Variants in NUBP1 observed in about 807,000 individuals in gnomAD.
NUBP1 encodes NUBP iron-sulfur cluster assembly factor 1, cytosolic, also known as cytosolic Fe-S cluster assembly factor NUBP1.
A neutral mutation model predicts 41.8 loss-of-function variants in NUBP1; 46 were observed. The ratio of observed to expected loss-of-function variants is 1.10; its 90% CI spans 0.87 to 1.41. The LOEUF (loss-of-function observed/expected upper bound fraction) is 1.41. Among genes scored for constraint, NUBP1 ranks in the 40% most tolerant of loss-of-function variants. The pLI is 0.00. For synonymous variants in NUBP1, 189 were observed against 154.6 expected, an observed-to-expected ratio of 1.22 and a Z score of -1.65; for missense variants, 494 against 414.0, an observed-to-expected ratio of 1.19 and a Z score of -1.68.
In NUBP1 at chr16:10,762,804, G is replaced by A. The variant is rs866282191; in HGVS notation, c.820+945G>A. Among the ~76,000 whole-genome samples, 16 of 149,504 alleles carry A rather than the reference G, an allele frequency of 1.1e-4. No homozygotes were observed. In the South Asian group the frequency reaches 2.8e-3, roughly 26 times the overall value. Reference sequence around the variant, plus strand: ...GTATGGCCTGGCCAGGAGAGGGTGGGGGCCGCGTGCTTGGGGAGAGGGCGG... The same window carrying A: ...GTATGGCCTGGCCAGGAGAGGGTGGAGGCCGCGTGCTTGGGGAGAGGGCGG... On this transcript the variant is annotated intron_variant, in intron 9 of 10. Coordinates refer to ENST00000283027, the MANE Select transcript of NUBP1 (RefSeq NM_002484.4).
intron 3 of NUBP1, 121 bp downstream of exon 3, chr16:10,747,397 G>T (rs1266541813): frequency 7.6e-7 from 1 of 1,308,876 alleles, no homozygotes; most frequent in East Asian, 2.4e-5. Context: ...ACTTTGGGAG[G>T]CCAAGGCGGG....
rs945396815 is a variant in NUBP1 at position 10,760,988 on chromosome 16, T to C, written c.607-376T>C. On this transcript the variant is annotated intron_variant, in intron 7 of 10. Coordinates refer to ENST00000283027, the MANE Select transcript of NUBP1 (RefSeq NM_002484.4). The stretch of plus-strand genomic sequence containing the variant: ...AAGGCCCCAGGAAACTTAACAATCA[T>C]GGTGGAAGGCAAAGCAGGCACATGT... The C allele has an allele frequency of 2.1e-5, 4 of 191,972 alleles. No individual in the cohort carries two copies. In the East Asian group the frequency reaches 4.2e-4, roughly 20 times the overall value. The allele number at this position is 191,972 out of a possible 1,614,324, so 11.9% of individuals were successfully genotyped here. A position where few individuals can be genotyped will look rare whatever the true frequency, so the allele number is the denominator to read the frequency against.
rs2031225822 is a variant in NUBP1, at chr16:10,768,439, TCTA to T, written c.904+411_904+413del. 6.2e-6 allele frequency: 1 copy of T among 160,350 alleles called. No homozygotes were observed. Among genetic ancestry groups the T allele is most frequent in the Non-Finnish European group, 1.4e-5 (1 of 73,516 alleles). The allele number at this position is 160,350 out of a possible 1,614,324, so 9.9% of individuals were successfully genotyped here. ...CTGGCTAACATGGAGAAACACTGTC[TCTA>T]CTAAAAATATGAAAATTAGCCGGGT... On this transcript the variant is annotated intron_variant, in intron 10 of 10. Coordinates refer to ENST00000283027, the MANE Select transcript of NUBP1 (RefSeq NM_002484.4). The surrounding 1 kb of genome is among the most constrained non-coding windows in gnomAD (Gnocchi z 4.3).
intron 4 of NUBP1, among the ~76,000 whole-genome samples, chr16:10,754,789 A>G (rs1467530167): frequency 6.6e-6 from 1 of 151,900 alleles, no homozygotes; most frequent in Non-Finnish European, 1.5e-5. Flanking sequence ...TCACACCTGC[A>G]ATCCCAACAC....
At chr16:10,748,952 A>G (rs1377172393) in intron 3 of NUBP1, among the ~76,000 whole-genome samples, 1 of 152,016 alleles carries the variant, frequency 6.6e-6, no homozygotes, top group Non-Finnish European at 1.5e-5. Flanking sequence ...TTAGCTGGGC[A>G]TGGTGGTACG....
Position 10,749,913 on chromosome 16 carries a change from G to GA in NUBP1, c.258+2638dup, listed in dbSNP as rs1034964532. Among the ~76,000 whole-genome samples the GA allele has an allele frequency of 2.4e-4, 37 of 152,322 alleles. No homozygotes were observed. The highest frequency in any genetic ancestry group is 7.2e-4 in the African/African-American group (30 of 41,566). ...GTGTAAGTTGTGGTGAAGGCAGAAGGAGCCTCTGTAGCATAAGCCTGAGCC... is the reference window on the plus strand; with the variant it reads ...GTGTAAGTTGTGGTGAAGGCAGAAGGAAGCCTCTGTAGCATAAGCCTGAGCC... On this transcript the variant is annotated intron_variant, in intron 3 of 10. Coordinates refer to ENST00000283027, the MANE Select transcript of NUBP1 (RefSeq NM_002484.4). This position sits in a 1 kb window ranked among gnomAD's most constrained non-coding sequence, Gnocchi z 4.1.
intron 7 of NUBP1, among the ~76,000 whole-genome samples, chr16:10,760,296 A>G (rs1900854518): frequency 6.6e-6 from 1 of 152,224 alleles, no homozygotes; most frequent in African/African-American, 2.4e-5. Flanking sequence ...CGGTGCCTAG[A>G]GGGACGGGCA....
At chr16:10,753,142 A>G (rs562637480) in intron 4 of NUBP1, among the ~76,000 whole-genome samples, 76 of 152,232 alleles carry the variant, frequency 5.0e-4, no homozygotes, top group Non-Finnish European at 7.4e-5. Context: ...TCAGTAGTCC[A>G]TCTGTCTACT....
At position 10,766,715 on chromosome 16, in the gene NUBP1, A is replaced by C. The variant is rs1228999033; in HGVS notation, c.821-1234A>C. On this transcript the variant is annotated intron_variant, in intron 9 of 10. Coordinates refer to ENST00000283027, the MANE Select transcript of NUBP1 (RefSeq NM_002484.4). The surrounding 1 kb of genome is among the most constrained non-coding windows in gnomAD (Gnocchi z 4.8). ...AGGGATTTATTGAAAATGAAAGTCA[A>C]CTCCACGGTGTGGGAGGAGAACGGG... The C allele has an allele frequency of 5.2e-6, 2 of 387,164 alleles. No individual in the cohort carries two copies. The allele number at this position is 387,164 out of a possible 1,614,324, so 24.0% of individuals were successfully genotyped here. A position where few individuals can be genotyped will look rare whatever the true frequency, so the allele number is the denominator to read the frequency against.
chr16:10,749,126 T>TACAC lies in NUBP1; in HGVS notation c.258+1891_258+1894dup, dbSNP rs58201009. ...GGATATAGATAGATACACAGACACA[T>TACAC]ACACACACACACACACACACACACA... On this transcript the variant is annotated intron_variant, in intron 3 of 10. Coordinates refer to ENST00000283027, the MANE Select transcript of NUBP1 (RefSeq NM_002484.4). This position sits in a 1 kb window ranked among gnomAD's most constrained non-coding sequence, Gnocchi z 4.1. Among the ~76,000 whole-genome samples the TACAC allele has an allele frequency of 5.2e-3, 627 of 121,066 alleles. 4 individuals carry two copies. The highest frequency in any genetic ancestry group is 0.012 in the Middle Eastern group (3 of 254). 79.4% of individuals were successfully genotyped at this position (121,066 alleles called of 152,430 possible).
chr16:10,752,804 G>C, intron 4 of NUBP1, 126 bp downstream of exon 4: 1 of 844,640 alleles, frequency 1.2e-6, no homozygotes, highest in South Asian at 1.5e-5. Context: ...GTTTTGTTTT[G>C]TTGTTTTTGA....
At position 10,749,727 on chromosome 16, in the gene NUBP1, T is replaced by C. The variant is rs1255139318; in HGVS notation, c.258+2451T>C. Among the ~76,000 whole-genome samples the C allele has an allele frequency of 6.6e-6, 1 of 152,246 alleles. No homozygotes were observed. The highest frequency in any genetic ancestry group is 1.5e-5 in the Non-Finnish European group (1 of 68,044). On this transcript the variant is annotated intron_variant, in intron 3 of 10. Transcript: ENST00000283027. This position sits in a 1 kb window ranked among gnomAD's most constrained non-coding sequence, Gnocchi z 4.1. ...GGACATGCCCTGACCTTTTTCTGCC[T>C]GCCATCTGGTGGAAGCTTGGCTCTA... is the stretch of plus-strand genomic sequence containing the variant.
intron 3 of NUBP1, among the ~76,000 whole-genome samples, chr16:10,748,660 A>C (rs1315776410): frequency 6.6e-6 from 1 of 152,266 alleles, no homozygotes; most frequent in Non-Finnish European, 1.5e-5. Flanking sequence ...ACGAATAGTC[A>C]ATGCTCAGTA....
intron 4 of NUBP1, among the ~76,000 whole-genome samples, chr16:10,753,040 T>G (rs941131664): frequency 6.6e-6 from 1 of 152,160 alleles, no homozygotes; most frequent in Non-Finnish European, 1.5e-5. Context: ...AGTGATCACC[T>G]GCCTCAGCCT....
chr16:10,757,898 T>A lies in NUBP1; in HGVS notation c.477T>A (p.Asp159Glu). ...KNGMIKQFLRDVDWGEVDYLI... is the reference protein window; with the variant it reads ...KNGMIKQFLREVDWGEVDYLI... ...GCATGATCAAGCAGTTCCTCCGAGA[T>A]GTGGACTGGGGAGAGGTCGACTACC... The change falls in exon 7 of 11, where the codon GAT (aspartate) becomes GAA (glutamate). Residue 159 changes from aspartate (D) to glutamate (E), a missense_variant. Physicochemically the swap from Asp to Glu is conservative, Grantham distance 45 (BLOSUM62 2). Transcript: ENST00000283027. The surrounding 1 kb of genome is among the most constrained non-coding windows in gnomAD (Gnocchi z 4.1). The A allele has an allele frequency of 6.2e-7, 1 of 1,613,716 alleles. No homozygotes were observed. Among genetic ancestry groups the A allele is most frequent in the Non-Finnish European group, 8.5e-7 (1 of 1,179,870 alleles).
chr16:10,759,920 G>A lies in NUBP1; in HGVS notation c.607-1444G>A, dbSNP rs1194569401. 3.9e-5 allele frequency among the ~76,000 whole-genome samples: 6 copies of A among 152,318 alleles called. No homozygotes were observed. The highest frequency in any genetic ancestry group is 1.9e-4 in the East Asian group (1 of 5,186). On this transcript the variant is annotated intron_variant, in intron 7 of 10. Coordinates refer to ENST00000283027, the MANE Select transcript of NUBP1 (RefSeq NM_002484.4). This position sits in a 1 kb window ranked among gnomAD's most constrained non-coding sequence, Gnocchi z 4.7. ...ACAGGCCCAAAGCTGCGAGCCTTTC[G>A]GGCTCACGTGAGTGGTGAAGCTCCA...
intron 9 of NUBP1, among the ~76,000 whole-genome samples, chr16:10,762,662 G>A (rs554515139): frequency 1.6e-4 from 25 of 152,206 alleles, no homozygotes; most frequent in Non-Finnish European, 3.2e-4. Flanking sequence ...AGGGGAGGCC[G>A]GGATCCAGGA....
intron 9 of NUBP1, among the ~76,000 whole-genome samples, chr16:10,762,971 C>T (rs1013853847): frequency 1.3e-5 from 2 of 151,678 alleles, no homozygotes; most frequent in East Asian, 1.9e-4. Flanking sequence ...GAGTGGCTGC[C>T]CTGGGATAGG....
chr16:10,760,500 C>G (rs1900871524), intron 7 of NUBP1, among the ~76,000 whole-genome samples: 1 of 152,232 alleles, frequency 6.6e-6, no homozygotes, highest in South Asian at 2.1e-4. Context: ...AACCCTAACA[C>G]TCTGGGAGGC....
Sources: gnomAD v4.1 joint callset for allele counts (sites outside exome capture counted in the v4.1 genomes callset) on GRCh38, gnomAD v4.1.1 for gene constraint, Gnocchi (gnomAD v3.1) non-coding constraint, MANE v1.5 for transcripts, NCBI Gene and HGNC (gene_info 2026-07-23, HGNC 2026-07-21) for gene names.